The following DHX30 variants were observed in gnomAD, a reference collection of about 807,000 sequenced individuals.
The protein encoded by DHX30 is ATP-dependent RNA helicase DHX30.
In DHX30, 4 loss-of-function variants were observed where a neutral mutation model predicts 116.9. The ratio of observed to expected loss-of-function variants is 0.03; its 90% CI spans 0.02 to 0.08. DHX30 has a LOEUF of 0.08. Among genes scored for constraint, DHX30 ranks in the 10% least tolerant of loss-of-function variants. The probability of loss-of-function intolerance (pLI) is 1.00; values close to 1 mark genes in which losing one functional copy is unlikely to be tolerated. For synonymous variants in DHX30, 697 were observed against 651.7 expected (o/e 1.07, Z -1.06); for missense variants, 871 against 1,595.1 (o/e 0.55, Z 7.73).
At chr3:47,816,744 G>A in intron 3 of DHX30, 2 of 985,558 alleles carry the variant, frequency 2.0e-6, no homozygotes, top group South Asian at 4.7e-5. Flanking sequence ...TGTGGTGAAG[G>A]AGTGTGTGCA....
intron 4 of DHX30, 71 bp from the exon 5 acceptor site, chr3:47,827,276 C>A: frequency 6.7e-7 from 1 of 1,487,412 alleles, no homozygotes; most frequent in South Asian, 1.3e-5. Flanking sequence ...CCAGGGTTGC[C>A]CTGATACACA....
chr3:47,824,229 C>T (rs1236697217), intron 4 of DHX30, among the ~76,000 whole-genome samples: 17 of 152,086 alleles, frequency 1.1e-4, no homozygotes. Flanking sequence ...TCTCGAACTC[C>T]TGACCTCAGG....
At chr3:47,825,270 G>C (rs1373733848) in intron 4 of DHX30, 1 of 566,358 alleles carries the variant, frequency 1.8e-6, no homozygotes, top group Admixed American at 3.5e-5. Flanking sequence ...GCGGGGGCGG[G>C]CGGTCCGCAG....
chr3:47,846,916 T>C lies in DHX30; in HGVS notation c.1844T>C (p.Met615Thr), dbSNP rs79691410. 1.2e-6 allele frequency: 2 copies of C among 1,613,444 alleles called. No individual in the cohort carries two copies. The highest frequency in any genetic ancestry group is 2.2e-5 in the East Asian group (1 of 44,888). The change falls in exon 11 of 22, where the codon ATG (methionine) becomes ACG (threonine). Residue 615 changes from methionine to threonine, a missense_variant. This residue lies in a region of DHX30 where 61 missense variants were observed against 106.7 expected (regional missense o/e 0.57). Transcript: ENST00000445061. ...GCPVIKVPGF[M>T]YPVKEHYLED... ...CCCGTCATCAAGGTGCCTGGCTTCATGTACCCAGTCAAGGAGCACTACCTA... is the reference window on the plus strand; with the variant it reads ...CCCGTCATCAAGGTGCCTGGCTTCACGTACCCAGTCAAGGAGCACTACCTA...
chr3:47,815,470 G>A (rs115791305), intron 3 of DHX30, among the ~76,000 whole-genome samples: 2 of 152,102 alleles, frequency 1.3e-5, no homozygotes, highest in Non-Finnish European at 2.9e-5. Context: ...AATAGGATGG[G>A]CCATTTGATG....
At chr3:47,806,487 C>G (rs1165208412) in intron 2 of DHX30, among the ~76,000 whole-genome samples, 1 of 147,224 alleles carries the variant, frequency 6.8e-6, no homozygotes, top group African/African-American at 2.5e-5. Flanking sequence ...ACTCTGTCAC[C>G]CAGGCTGGAG....
intron 6 of DHX30, among the ~76,000 whole-genome samples, chr3:47,832,552 C>G (rs34507589): frequency 0.17 from 26,087 of 152,146 alleles, 2,771 homozygotes; most frequent in South Asian, 0.26. Flanking sequence ...TCGAAAATAT[C>G]CATCTCCCAT....
Position 47,828,969 on chromosome 3 carries a change from C to T in DHX30, c.256-55C>T, listed in dbSNP as rs115079845. ...CACTGTTTATTTTCCATGTAATTTGCAACAACTCTAGTCTGGAGTGGCAAG... is the reference window on the plus strand; with the variant it reads ...CACTGTTTATTTTCCATGTAATTTGTAACAACTCTAGTCTGGAGTGGCAAG... On this transcript the variant is annotated intron_variant, in intron 5 of 21. Transcript: ENST00000445061. 1.5e-3 allele frequency: 1,613 copies of T among 1,102,902 alleles called. 18 individuals carry two copies. In the African/African-American group the frequency reaches 0.022, roughly 15 times the overall value. The allele number at this position is 1,102,902 out of a possible 1,614,324, so 68.3% of individuals were successfully genotyped here.
At chr3:47,822,553 G>A (rs1576477583) in intron 4 of DHX30, among the ~76,000 whole-genome samples, 1 of 151,708 alleles carries the variant, frequency 6.6e-6, no homozygotes, top group African/African-American at 2.4e-5. Context: ...TTGGGAGGCC[G>A]AGGTGGGTGG....
intron 1 of DHX30, among the ~76,000 whole-genome samples, chr3:47,804,732 T>G (rs1045695607): frequency 1.3e-5 from 2 of 152,052 alleles, no homozygotes; most frequent in Admixed American, 6.6e-5. Context: ...GCATGGAGGG[T>G]TTTGGAGTCA....
At position 47,848,396 on chromosome 3, in the gene DHX30, G is replaced by A; in HGVS notation, c.2493+10G>A. 1 of 1,613,976 alleles carries A rather than the reference G, an allele frequency of 6.2e-7. No individual in the cohort carries two copies. Among genetic ancestry groups the A allele is most frequent in the Non-Finnish European group, 8.5e-7 (1 of 1,179,984 alleles). On this transcript the variant is annotated intron_variant, in intron 15 of 21. Transcript: ENST00000445061. The surrounding 1 kb of genome is among the most constrained non-coding windows in gnomAD (Gnocchi z 9.4). ...CATGCCTGAGAAGACGGTGCGGCGG[G>A]GCGGGGCAGGGGCTGGCCTGGGGAC...
At chr3:47,808,114 T>C (rs2106931470) in intron 2 of DHX30, among the ~76,000 whole-genome samples, 1 of 152,082 alleles carries the variant, frequency 6.6e-6, no homozygotes, top group African/African-American at 2.4e-5. Context: ...TTCTGCATGT[T>C]GGTCAGGCTG....
intron 2 of DHX30, among the ~76,000 whole-genome samples, chr3:47,807,246 C>G (rs942398730): frequency 6.6e-6 from 1 of 152,008 alleles, no homozygotes. Context: ...CAAGGAAGAC[C>G]GCTTTCTTTT....
At chr3:47,808,134 T>C (rs571626746) in intron 2 of DHX30, among the ~76,000 whole-genome samples, 212 of 151,436 alleles carry the variant, frequency 1.4e-3, no homozygotes, top group African/African-American at 4.8e-3. Flanking sequence ...GGTCTCAAAC[T>C]CCCGACCTCA....
chr3:47,834,910 A>C (rs1410517175), intron 6 of DHX30, among the ~76,000 whole-genome samples: 1 of 152,066 alleles, frequency 6.6e-6, no homozygotes, highest in Non-Finnish European at 1.5e-5. Context: ...TGAGCTGATG[A>C]TTTCATTCCC....
At chr3:47,841,964 C>T in intron 8 of DHX30, 1 of 579,484 alleles carries the variant, frequency 1.7e-6, no homozygotes, top group Non-Finnish European at 3.1e-6. Flanking sequence ...GCAGAAGACC[C>T]ATACCTCTTC....
intron 6 of DHX30, among the ~76,000 whole-genome samples, chr3:47,829,761 T>C (rs775536895): frequency 3.9e-5 from 6 of 152,226 alleles, no homozygotes; most frequent in Non-Finnish European, 8.8e-5. Context: ...TGTTGGTTTC[T>C]GTTTTTCTTT....
chr3:47,826,251 G>C (rs530178655), intron 4 of DHX30: 1 of 152,160 alleles, frequency 6.6e-6, no homozygotes, highest in African/African-American at 2.4e-5. Context: ...TTCATGACCT[G>C]GTTAAGCCTT....
At position 47,832,489 on chromosome 3, in the gene DHX30, C is replaced by G. The variant is rs373316870; in HGVS notation, c.366+3355C>G. ...CATGCCCAGCTAATTTTCTTTCCTC[C>G]CTGGGGAATCTTGTCTCTTACAGGT... On this transcript the variant is annotated intron_variant, in intron 6 of 21. Transcript: ENST00000445061. Among the ~76,000 whole-genome samples the G allele has an allele frequency of 6.6e-5, 10 of 152,044 alleles. No individual in the cohort carries two copies. The East Asian group carries it at 1.7e-3, about 26-fold the overall frequency.
Sources: gnomAD v4.1 joint callset for allele counts (sites outside exome capture counted in the v4.1 genomes callset) on GRCh38, gnomAD v4.1.1 for gene constraint, gnomAD v4.1.1 regional missense constraint, Gnocchi (gnomAD v3.1) non-coding constraint, MANE v1.5 for transcripts, NCBI Gene and HGNC (gene_info 2026-07-23, HGNC 2026-07-21) for gene names.